TRIM33: variants seen among roughly 807,000 people sequenced by gnomAD.
TRIM33 encodes the protein E3 ubiquitin-protein ligase TRIM33.
In TRIM33, 20 loss-of-function variants were observed where a neutral mutation model predicts 125.4. The ratio of observed to expected loss-of-function variants is 0.16; its 90% CI spans 0.11 to 0.23. TRIM33 has a LOEUF of 0.23. Ranked by LOEUF, TRIM33 falls within the 10% of genes least tolerant of loss-of-function variation. The probability of loss-of-function intolerance (pLI) is 1.00; values close to 1 mark genes in which losing one functional copy is unlikely to be tolerated. For missense variants in TRIM33, 920 were observed against 1,411.4 expected, an observed-to-expected ratio of 0.65 and a Z score of 5.58; for synonymous variants, 564 against 513.9, an observed-to-expected ratio of 1.10 and a Z score of -1.32.
intron 4 of TRIM33, among the ~76,000 whole-genome samples, chr1:114,438,384 T>C (rs1648437054): frequency 6.6e-6 from 1 of 152,222 alleles, no homozygotes; most frequent in African/African-American, 2.4e-5. Flanking sequence ...CTAATTCCAC[T>C]GAATCGATCA....
chr1:114,453,267 G>A (rs1373646148), intron 4 of TRIM33, among the ~76,000 whole-genome samples: 1 of 151,802 alleles, frequency 6.6e-6, no homozygotes, highest in East Asian at 1.9e-4. Context: ...GGGAAGCTGA[G>A]GCATGAGAAT....
At chr1:114,397,891 T>C (rs1651640655) in intron 19 of TRIM33, 31 bp from the exon 20 acceptor site, 5 of 1,613,574 alleles carry the variant, frequency 3.1e-6, no homozygotes, top group African/African-American at 1.3e-5. Context: ...TATTCACCTA[T>C]TGGTAATGCA....
chr1:114,510,946 T>A lies in TRIM33; in HGVS notation c.131A>T (p.Glu44Val). 7.8e-6 allele frequency: 11 copies of A among 1,408,874 alleles called. No individual in the cohort carries two copies. The highest frequency in any genetic ancestry group is 5.6e-5 in the Admixed American group (2 of 35,650). The allele number at this position is 1,408,874 out of a possible 1,614,324, so 87.3% of individuals were successfully genotyped here. A position where few individuals can be genotyped will look rare whatever the true frequency, so the allele number is the denominator to read the frequency against. Residue 44 changes from glutamate to valine, a missense_variant, in exon 1 of 20, where the codon GAG (glutamate) becomes GTG (valine). Transcript: ENST00000358465. Reference protein sequence around the residue: ...AEPPLTAVLVEEEEEEGGRAG... With the variant: ...AEPPLTAVLVVEEEEEGGRAG... ...CCTGCCGCCTTCCTCCTCCTCCTCC[T>A]CCACCAGCACCGCGGTGAGAGGCGG...
chr1:114,477,145 G>A (rs150017573), intron 1 of TRIM33, among the ~76,000 whole-genome samples: 12 of 151,966 alleles, frequency 7.9e-5, no homozygotes, highest in Admixed American at 2.6e-4. Context: ...ATTATTCAAC[G>A]GAAAGAAATT....
intron 11 of TRIM33, 107 bp from the exon 12 acceptor site, chr1:114,410,423 C>T: frequency 8.8e-7 from 1 of 1,130,900 alleles, no homozygotes; most frequent in Non-Finnish European, 1.2e-6. Flanking sequence ...ACAGATTATC[C>T]AATATCAAGC....
intron 17 of TRIM33, 120 bp from the exon 18 acceptor site, chr1:114,399,729 A>T: frequency 1.3e-6 from 1 of 797,530 alleles, no homozygotes; most frequent in South Asian, 1.8e-5. Flanking sequence ...CTGCTTGCAA[A>T]TTTTGAGTAT....
chr1:114,454,719 T>C (rs930239187), intron 4 of TRIM33, among the ~76,000 whole-genome samples: 5 of 151,404 alleles, frequency 3.3e-5, no homozygotes, highest in Admixed American at 6.6e-5. Context: ...TTGTTACTGC[T>C]ACCTGTACTA....
intron 11 of TRIM33, among the ~76,000 whole-genome samples, chr1:114,417,292 A>G (rs1025849201): frequency 2.0e-5 from 3 of 152,178 alleles, no homozygotes; most frequent in African/African-American, 7.2e-5. Context: ...CAATCTTGTG[A>G]ATGCATTAAA....
At chr1:114,403,643 T>C (rs1652046774) in intron 15 of TRIM33, among the ~76,000 whole-genome samples, 1 of 152,122 alleles carries the variant, frequency 6.6e-6, no homozygotes, top group South Asian at 2.1e-4. Flanking sequence ...GTTCAAGCAA[T>C]TCTCATGCCT....
intron 12 of TRIM33, 57 bp downstream of exon 12, chr1:114,410,127 A>G (rs1282311246): frequency 2.5e-6 from 4 of 1,596,108 alleles, no homozygotes; most frequent in Non-Finnish European, 3.4e-6. Context: ...ACTAAGACAG[A>G]TACTGACACT....
chr1:114,459,301 T>A (rs141595154), intron 4 of TRIM33, among the ~76,000 whole-genome samples: 1 of 151,992 alleles, frequency 6.6e-6, no homozygotes, highest in Admixed American at 6.6e-5. Context: ...TAATCACGCA[T>A]CCCTAAATAA....
intron 1 of TRIM33, among the ~76,000 whole-genome samples, chr1:114,491,487 A>C (rs1239044745): frequency 6.6e-6 from 1 of 152,330 alleles, no homozygotes; most frequent in South Asian, 2.1e-4. Context: ...ATATGCATTT[A>C]TATTTAAAGT....
chr1:114,412,778 C>T (rs1222987469), intron 11 of TRIM33, among the ~76,000 whole-genome samples: 1 of 152,038 alleles, frequency 6.6e-6, no homozygotes, highest in Non-Finnish European at 1.5e-5. Flanking sequence ...GGGTTGTTTC[C>T]AGTTTTTGTC....
At chr1:114,449,614 T>C (rs1649196925) in intron 4 of TRIM33, among the ~76,000 whole-genome samples, 1 of 152,146 alleles carries the variant, frequency 6.6e-6, no homozygotes, top group Non-Finnish European at 1.5e-5. Context: ...TTTCAGCGAG[T>C]CAACCCTATC....
chr1:114,432,471 T>C (rs1648019886), intron 5 of TRIM33, among the ~76,000 whole-genome samples: 1 of 152,188 alleles, frequency 6.6e-6, no homozygotes, highest in Non-Finnish European at 1.5e-5. Context: ...GAGCCTTTTA[T>C]TTTCTTTTGG....
At chr1:114,441,655 TTTTATTCTTTGCAATAA>T in intron 4 of TRIM33, among the ~76,000 whole-genome samples, 1 of 152,302 alleles carries the variant, frequency 6.6e-6, no homozygotes, top group East Asian at 1.9e-4. Flanking sequence ...GACCAATTGG[TTTTATTCTTTGCAATAA>T]TTTTGCCATT....
At chr1:114,490,380 A>G (rs1239738005) in intron 1 of TRIM33, among the ~76,000 whole-genome samples, 1 of 152,222 alleles carries the variant, frequency 6.6e-6, no homozygotes, top group Admixed American at 6.5e-5. Flanking sequence ...ACAATAAAAA[A>G]GATAACAATT....
intron 1 of TRIM33, among the ~76,000 whole-genome samples, chr1:114,508,791 T>A (rs989752629): frequency 2.6e-5 from 4 of 152,164 alleles, no homozygotes; most frequent in Non-Finnish European, 5.9e-5. Flanking sequence ...CTAGCTACCA[T>A]TTCATTAGTA....
Position 114,425,514 on chromosome 1 carries a change from G to A in TRIM33, c.1630C>T (p.Pro544Ser). The change falls in exon 9 of 20, where the codon CCA (proline) becomes TCA (serine). Residue 544 changes from proline (P) to serine (S), a missense_variant. Transcript: ENST00000358465. ...TGTTGTGTTGTTGTTGTTGTAGTTG[G>A]TACAGGTGCTGGTGGTTGCTGCATC... The part of the protein sequence containing the change: ...MRMQQPPAPV[P>S]TTTTTTQQHP... 1.2e-6 allele frequency: 2 copies of A among 1,614,094 alleles called. No individual in the cohort carries two copies. Among genetic ancestry groups the A allele is most frequent in the East Asian group, 2.2e-5 (1 of 44,882 alleles).
Sources: allele counts gnomAD v4.1 joint callset (sites outside exome capture counted in the v4.1 genomes callset), GRCh38; gene constraint gnomAD v4.1.1; transcripts MANE v1.5; gene names NCBI Gene and HGNC (gene_info 2026-07-23, HGNC 2026-07-21).